Variants in GRM1 observed in about 807,000 individuals in gnomAD.
The protein encoded by GRM1 is metabotropic glutamate receptor 1.
GRM1 carries 33 observed loss-of-function variants against 90.9 expected under a neutral mutation model. The observed-to-expected ratio is 0.36, with a 90% CI of 0.28 to 0.49. GRM1 has a LOEUF of 0.49. GRM1 is among the 20% of genes least tolerant of loss of function. The probability of loss-of-function intolerance (pLI) is 0.99; values close to 1 mark genes in which losing one functional copy is unlikely to be tolerated. For missense variants in GRM1, 1,190 were observed against 1,534.3 expected, an observed-to-expected ratio of 0.78 and a Z score of 3.75; for synonymous variants, 700 against 613.2, an observed-to-expected ratio of 1.14 and a Z score of -2.09.
chr6:146,106,162 AG>A (rs1775290718), intron 1 of GRM1, among the ~76,000 whole-genome samples: 1 of 152,200 alleles, frequency 6.6e-6, no homozygotes, highest in Non-Finnish European at 1.5e-5. Flanking sequence ...ACATTTATTT[AG>A]GGGGAATTAT....
At chr6:146,365,155 A>G (rs1414537257) in intron 5 of GRM1, 3 of 152,190 alleles carry the variant, frequency 2.0e-5, no homozygotes, top group Non-Finnish European at 4.4e-5. Flanking sequence ...TAATGATGAG[A>G]TCTGCCTGTG....
At chr6:146,343,141 A>G (rs1477558127) in intron 3 of GRM1, among the ~76,000 whole-genome samples, 1 of 152,052 alleles carries the variant, frequency 6.6e-6, no homozygotes, top group African/African-American at 2.4e-5. Context: ...GAATGTCCCT[A>G]AGTTTGACTT....
In GRM1 at chr6:146,388,614, C is replaced by T. The variant is rs572271851; in HGVS notation, c.1729+1598C>T. Among the ~76,000 whole-genome samples, 8 of 152,138 alleles carry T rather than the reference C, an allele frequency of 5.3e-5. 1 individual carries two copies. The highest frequency in any genetic ancestry group is 3.3e-4 in the Admixed American group (5 of 15,268). On this transcript the variant is annotated intron_variant, in intron 6 of 7. Transcript: ENST00000282753. ...TAAAGAGAAGAAAAGTAGATCAGAA[C>T]GTTTTTGAAGGTATGAACTGCATCT...
At chr6:146,265,002 TGCAG>T (rs1781828846) in intron 2 of GRM1, among the ~76,000 whole-genome samples, 1 of 152,186 alleles carries the variant, frequency 6.6e-6, no homozygotes, top group African/African-American at 2.4e-5. Flanking sequence ...AACATACAAT[TGCAG>T]GTATCCTTTT....
chr6:146,225,261 G>T (rs547591084), intron 2 of GRM1, among the ~76,000 whole-genome samples: 3 of 152,094 alleles, frequency 2.0e-5, no homozygotes, highest in Non-Finnish European at 4.4e-5. Context: ...CTCAGATATG[G>T]TAGCTAAAAA....
At chr6:146,070,935 G>GC (rs2128858488) in intron 1 of GRM1, among the ~76,000 whole-genome samples, 1 of 152,120 alleles carries the variant, frequency 6.6e-6, no homozygotes, top group Admixed American at 6.5e-5. Flanking sequence ...GTACTACAAG[G>GC]CAGTACCTAT....
chr6:146,195,349 A>C (rs1041291019), intron 2 of GRM1, among the ~76,000 whole-genome samples: 4 of 152,246 alleles, frequency 2.6e-5, no homozygotes, highest in African/African-American at 7.2e-5. Flanking sequence ...AAAAATGAGA[A>C]CTTCACAGAT....
chr6:146,068,301 G>C (rs533457527), intron 1 of GRM1, among the ~76,000 whole-genome samples: 1 of 152,252 alleles, frequency 6.6e-6, no homozygotes, highest in East Asian at 1.9e-4. Flanking sequence ...TTTTAGTAGA[G>C]ACGGGTTTTC....
chr6:146,398,900 C>T lies in GRM1; in HGVS notation c.1861C>T (p.Pro621Ser), dbSNP rs1777061868. The T allele has an allele frequency of 6.2e-7, 1 of 1,613,864 alleles. No homozygotes were observed. The highest frequency in any genetic ancestry group is 1.3e-5 in the African/African-American group (1 of 74,888). ...AATCTTTGTACTGTACCGGGACACA[C>T]CAGTGGTCAAATCCTCCAGTCGGGA... ...TLIFVLYRDT[P>S]VVKSSSRELC... is the part of the protein sequence containing the mutation. Residue 621 changes from proline to serine, a missense_variant, in exon 7 of 8, where the codon CCA becomes TCA. By Grantham distance (74) the Pro-to-Ser change is moderately conservative. Transcript: ENST00000282753.
intron 1 of GRM1, among the ~76,000 whole-genome samples, chr6:146,155,896 G>T (rs1009844631): frequency 2.0e-5 from 3 of 152,202 alleles, no homozygotes; most frequent in African/African-American, 7.2e-5. Context: ...CTGTAAAGGA[G>T]TGACAAAATC....
intron 5 of GRM1, among the ~76,000 whole-genome samples, chr6:146,384,618 T>A (rs1562656212): frequency 6.6e-6 from 1 of 151,994 alleles, no homozygotes; most frequent in Non-Finnish European, 1.5e-5. Flanking sequence ...GCCAAAAAAT[T>A]GCAGATTTGA....
Position 146,055,140 on chromosome 6 carries a change from A to G in GRM1, c.700+24923A>G, listed in dbSNP as rs375780398. ...GCTATTTTTTTAAAACATGTTGAAT[A>G]AATGTATACTTGAAAATGTATGTTG... is the stretch of plus-strand genomic sequence containing the variant. On this transcript the variant is annotated intron_variant, in intron 1 of 7. Transcript: ENST00000282753. Among the ~76,000 whole-genome samples, 8 of 152,238 alleles carry G rather than the reference A, an allele frequency of 5.3e-5. No homozygotes were observed. The South Asian group carries it at 8.3e-4, about 16-fold the overall frequency.
Position 146,387,024 on chromosome 6 carries a change from C to T in GRM1, c.1729+8C>T. 1.2e-6 allele frequency: 2 copies of T among 1,612,740 alleles called. No homozygotes were observed. Among genetic ancestry groups the T allele is most frequent in the Non-Finnish European group, 1.7e-6 (2 of 1,178,934 alleles). ...CCAATGCAGATCTAACAGGTAGGAACTGCCTCACTTGGAAACCTTGTGCCT... is the reference window on the plus strand; with the variant it reads ...CCAATGCAGATCTAACAGGTAGGAATTGCCTCACTTGGAAACCTTGTGCCT... On this transcript the variant is annotated splice_region_variant and intron_variant, in intron 6 of 7. Transcript: ENST00000282753.
In GRM1 at chr6:146,395,234, T is replaced by C. The variant is rs147098099; in HGVS notation, c.1730-3535T>C. ...AGCCACATATTAGACATTTTCTAAA[T>C]TGGTAATTTTAAATTATAACTGTTT... On this transcript the variant is annotated intron_variant, in intron 6 of 7. Coordinates refer to ENST00000282753, the MANE Select transcript of GRM1 (RefSeq NM_001278064.2). Among the ~76,000 whole-genome samples, 11 of 152,276 alleles carry C rather than the reference T, an allele frequency of 7.2e-5. No individual in the cohort carries two copies. In the East Asian group the frequency reaches 2.1e-3, roughly 29 times the overall value.
intron 7 of GRM1, among the ~76,000 whole-genome samples, chr6:146,417,768 T>C (rs1562685738): frequency 1.3e-5 from 2 of 152,192 alleles, no homozygotes; most frequent in African/African-American, 4.8e-5. Context: ...TAAATAATTA[T>C]TTCTTCTTTT....
chr6:146,157,731 A>G (rs888286638), intron 1 of GRM1, among the ~76,000 whole-genome samples: 6 of 152,124 alleles, frequency 3.9e-5, no homozygotes, highest in African/African-American at 1.4e-4. Context: ...CGTGAGCAGG[A>G]GTTGGCTCTA....
intron 2 of GRM1, among the ~76,000 whole-genome samples, chr6:146,240,713 C>G (rs904100669): frequency 3.3e-5 from 5 of 152,098 alleles, no homozygotes; most frequent in Non-Finnish European, 7.4e-5. Flanking sequence ...GATATCTAGG[C>G]AATTTCCAGT....
chr6:146,049,147 C>T (rs1363650918), intron 1 of GRM1, among the ~76,000 whole-genome samples: 2 of 151,938 alleles, frequency 1.3e-5, no homozygotes, highest in Non-Finnish European at 1.5e-5. Context: ...ATGTGAACCA[C>T]CACCTTCTAC....
chr6:146,246,497 T>A (rs6940937), intron 2 of GRM1, among the ~76,000 whole-genome samples: 14,439 of 152,220 alleles, frequency 0.095, 1,819 homozygotes, highest in African/African-American at 0.28. Flanking sequence ...GATCAAAGGC[T>A]AGATTATGCT....
Sources: allele counts gnomAD v4.1 joint callset (sites outside exome capture counted in the v4.1 genomes callset), GRCh38; gene constraint gnomAD v4.1.1; transcripts MANE v1.5; gene names NCBI Gene and HGNC (gene_info 2026-07-23, HGNC 2026-07-21).